CLIP1: variants seen among roughly 807,000 people sequenced by gnomAD.
CLIP1 encodes CAP-Gly domain-containing linker protein 1.
Under a neutral mutation model 161.6 loss-of-function variants are expected in CLIP1, and 66 were observed. The observed-to-expected ratio is 0.41, with a 90% CI of 0.33 to 0.50. The LOEUF (loss-of-function observed/expected upper bound fraction) is 0.50, where lower values mean the gene tolerates loss of function less well. Ranked by LOEUF, CLIP1 falls within the 20% of genes least tolerant of loss-of-function variation. The probability of loss-of-function intolerance (pLI) is 0.27; values close to 1 mark genes in which losing one functional copy is unlikely to be tolerated. For synonymous variants in CLIP1, 598 were observed against 626.2 expected, an observed-to-expected ratio of 0.96 and a Z score of 0.67; for missense variants, 1,376 against 1,702.0, an observed-to-expected ratio of 0.81 and a Z score of 3.37.
At position 122,333,119 on chromosome 12, in the gene CLIP1, T is replaced by G. The variant is rs749254173; in HGVS notation, c.2735A>C (p.Lys912Thr). 13 of 1,613,128 alleles carry G rather than the reference T, an allele frequency of 8.1e-6. No homozygotes were observed. The highest frequency in any genetic ancestry group is 1.1e-5 in the Non-Finnish European group (13 of 1,179,650). Residue 912 changes from lysine to threonine, a missense_variant, in exon 15 of 26, where the codon AAA (lysine) becomes ACA (threonine). Coordinates refer to ENST00000620786, the MANE Select transcript of CLIP1 (RefSeq NM_001247997.2). Reference sequence around the variant, plus strand: ...TATCAGCTGCTCTTCTCTCTCATCTTTCTCTCTAAATTTTGCCTCCATATC... The same window carrying G: ...TATCAGCTGCTCTTCTCTCTCATCTGTCTCTCTAAATTTTGCCTCCATATC... ...LADMEAKFRE[K>T]DEREEQLIKA...
rs896940863 is a variant in CLIP1 at position 122,398,881 on chromosome 12, C to A, written c.-106-18323G>T. ...TTAAAAAGTTTAAGAAAAAAAGACACTTATTATAGAAAATATATATTTTAA... is the reference window on the plus strand; with the variant it reads ...TTAAAAAGTTTAAGAAAAAAAGACAATTATTATAGAAAATATATATTTTAA... On this transcript the variant is annotated intron_variant, in intron 1 of 25. Transcript: ENST00000620786. Among the ~76,000 whole-genome samples, 3 of 135,840 alleles carry A rather than the reference C, an allele frequency of 2.2e-5. 1 individual carries two copies. In the Admixed American group the frequency reaches 2.4e-4, roughly 11 times the overall value. 89.1% of individuals were successfully genotyped at this position (135,840 alleles called of 152,430 possible). A position where few individuals can be genotyped will look rare whatever the true frequency, so the allele number is the denominator to read the frequency against.
intron 7 of CLIP1, 112 bp from the exon 8 acceptor site, chr12:122,352,898 A>C (rs1287426084): frequency 1.2e-6 from 1 of 853,032 alleles, no homozygotes. Context: ...CCACTCCTAT[A>C]ATCCCAGCAA....
intron 15 of CLIP1, among the ~76,000 whole-genome samples, chr12:122,328,838 C>T (rs1951815846): frequency 6.6e-6 from 1 of 152,156 alleles, no homozygotes; most frequent in South Asian, 2.1e-4. Context: ...GCCTCGGCCT[C>T]CCAAAGTGTT....
In CLIP1 at chr12:122,341,144, G is replaced by A; in HGVS notation, c.2060C>T (p.Ala687Val). The change falls in exon 11 of 26, where the codon GCC becomes GTC. Residue 687 changes from alanine to valine, a missense_variant. By Grantham distance (64) the Ala-to-Val change is moderately conservative. Coordinates refer to ENST00000620786, the MANE Select transcript of CLIP1 (RefSeq NM_001247997.2). ...LQNQQDSERAAHAKEMEALRA... is the reference protein window; with the variant it reads ...LQNQQDSERAVHAKEMEALRA... ...CAAGGCTTCCATCTCTTTAGCATGG[G>A]CAGCCCGTTCAGAGTCTTGTTGATT... The A allele has an allele frequency of 6.2e-7, 1 of 1,614,084 alleles. No homozygotes were observed. Among genetic ancestry groups the A allele is most frequent in the Non-Finnish European group, 8.5e-7 (1 of 1,180,018 alleles).
intron 17 of CLIP1, among the ~76,000 whole-genome samples, chr12:122,324,599 G>A (rs969111648): frequency 2.0e-5 from 3 of 152,148 alleles, no homozygotes; most frequent in Non-Finnish European, 4.4e-5. Flanking sequence ...GTATCTGTTA[G>A]CTTATTTTAT....
chr12:122,334,892 A>C (rs1329236959), intron 12 of CLIP1, among the ~76,000 whole-genome samples, 187 bp from the exon 13 acceptor site: 1 of 152,230 alleles, frequency 6.6e-6, no homozygotes, highest in Non-Finnish European at 1.5e-5. Context: ...ATGTATACAC[A>C]CAAAAGAGTG....
intron 5 of CLIP1, among the ~76,000 whole-genome samples, chr12:122,358,744 TAA>T (rs71082973): frequency 0.4 from 58,047 of 144,058 alleles, 13,654 homozygotes; most frequent in Non-Finnish European, 0.52. Flanking sequence ...TAGTTGACTT[TAA>T]AAAAAAAAAA....
At chr12:122,376,859 C>T (rs1954760569) in intron 3 of CLIP1, among the ~76,000 whole-genome samples, 1 of 152,048 alleles carries the variant, frequency 6.6e-6, no homozygotes, top group Non-Finnish European at 1.5e-5. Context: ...TAGAATAGTT[C>T]ACTGCTCTTT....
At chr12:122,397,346 C>A (rs570473429) in intron 1 of CLIP1, among the ~76,000 whole-genome samples, 21 of 151,888 alleles carry the variant, frequency 1.4e-4, no homozygotes, top group Non-Finnish European at 1.2e-4. Flanking sequence ...TGCCTGTAAT[C>A]CCAGCACTTT....
intron 21 of CLIP1, among the ~76,000 whole-genome samples, chr12:122,281,882 A>G (rs1882581): frequency 0.079 from 11,978 of 152,234 alleles, 570 homozygotes; most frequent in African/African-American, 0.13. Flanking sequence ...TGGGTTATCA[A>G]GAAGAGATTT....
At chr12:122,367,953 G>A (rs1026547506) in intron 3 of CLIP1, among the ~76,000 whole-genome samples, 1 of 152,096 alleles carries the variant, frequency 6.6e-6, no homozygotes, top group African/African-American at 2.4e-5. Context: ...ACTCCAGCCT[G>A]GACAAGACAG....
At chr12:122,328,987 T>C (rs1951821557) in intron 15 of CLIP1, among the ~76,000 whole-genome samples, 1 of 152,204 alleles carries the variant, frequency 6.6e-6, no homozygotes, top group Non-Finnish European at 1.5e-5. Context: ...GGTTTACTAT[T>C]TTATGTCAAT....
intron 3 of CLIP1, among the ~76,000 whole-genome samples, chr12:122,366,189 C>T (rs1342464221): frequency 6.6e-6 from 1 of 151,702 alleles, no homozygotes; most frequent in Non-Finnish European, 1.5e-5. Flanking sequence ...CGCCTGTAGT[C>T]CCAGCTACTT....
At chr12:122,298,430 C>T (rs541029860) in intron 20 of CLIP1, among the ~76,000 whole-genome samples, 20 of 151,916 alleles carry the variant, frequency 1.3e-4, no homozygotes, top group African/African-American at 4.3e-4. Flanking sequence ...GGCCAAACTC[C>T]GTCTCCACTA....
chr12:122,352,209 CA>C (rs1371041107), intron 8 of CLIP1, among the ~76,000 whole-genome samples: 2 of 152,076 alleles, frequency 1.3e-5, no homozygotes, highest in Non-Finnish European at 2.9e-5. Flanking sequence ...AGGCACCCGC[CA>C]CCACGCCCGG....
intron 8 of CLIP1, 139 bp from the exon 9 acceptor site, chr12:122,351,282 G>A (rs1417071002): frequency 3.8e-6 from 2 of 527,964 alleles, no homozygotes; most frequent in African/African-American, 3.8e-5. Context: ...ACAACCCAGT[G>A]CTGATGTAAA....
chr12:122,341,164 T>G lies in CLIP1; in HGVS notation c.2040A>C (p.Gln680His). Reference sequence around the variant, plus strand: ...CATGGGCAGCCCGTTCAGAGTCTTGTTGATTCTGCAAATTTTCTATTTCGT... The same window carrying G: ...CATGGGCAGCCCGTTCAGAGTCTTGGTGATTCTGCAAATTTTCTATTTCGT... ...YQHEIENLQNQQDSERAAHAK... is the reference protein window; with the variant it reads ...YQHEIENLQNHQDSERAAHAK... Residue 680 changes from glutamine (Q) to histidine (H), a missense_variant, in exon 11 of 26, where the codon CAA (glutamine) becomes CAC (histidine). Transcript: ENST00000620786. The G allele has an allele frequency of 5.0e-6, 8 of 1,614,232 alleles. No homozygotes were observed. The highest frequency in any genetic ancestry group is 5.9e-6 in the Non-Finnish European group (7 of 1,180,040).
intron 1 of CLIP1, among the ~76,000 whole-genome samples, chr12:122,388,649 C>G (rs1955440847): frequency 6.6e-6 from 1 of 152,038 alleles, no homozygotes; most frequent in Admixed American, 6.6e-5. Context: ...GCTCACCGCA[C>G]CCTTTGAATT....
In CLIP1 at chr12:122,323,667, G is replaced by A. The variant is rs1372848650; in HGVS notation, c.3249+4280C>T. 1 of 152,634 alleles carries A rather than the reference G, an allele frequency of 6.6e-6. No individual in the cohort carries two copies. The highest frequency in any genetic ancestry group is 1.9e-4 in the East Asian group (1 of 5,204). The allele number at this position is 152,634 out of a possible 1,614,324, so 9.5% of individuals were successfully genotyped here. A position where few individuals can be genotyped will look rare whatever the true frequency, so the allele number is the denominator to read the frequency against. ...TCTAACTGCAGATTTCTGTTGTTCT[G>A]AAGAACATTATCTCGTTCTACCTTT... On this transcript the variant is annotated intron_variant, in intron 17 of 25. Coordinates refer to ENST00000620786, the MANE Select transcript of CLIP1 (RefSeq NM_001247997.2). The surrounding 1 kb of genome is among the most constrained non-coding windows in gnomAD (Gnocchi z 4.1).
Sources: gnomAD v4.1 joint callset for allele counts (sites outside exome capture counted in the v4.1 genomes callset) on GRCh38, gnomAD v4.1.1 for gene constraint, Gnocchi (gnomAD v3.1) non-coding constraint, MANE v1.5 for transcripts, NCBI Gene and HGNC (gene_info 2026-07-23, HGNC 2026-07-21) for gene names.